HTR1F: variants seen among roughly 807,000 people sequenced by gnomAD.
The protein encoded by HTR1F is 5-hydroxytryptamine receptor 1F, also known as 5-hydroxytryptamine (serotonin) receptor 1F, G protein-coupled.
In HTR1F, 17 loss-of-function variants were observed where a neutral mutation model predicts 24.0. The observed-to-expected ratio is 0.71, with a 90% CI of 0.48 to 1.06. The LOEUF is 1.06. Ranked by LOEUF, HTR1F falls within the 50% of genes least tolerant of loss-of-function variation. The probability of loss-of-function intolerance (pLI) is 0.00; values close to 1 mark genes in which losing one functional copy is unlikely to be tolerated. For synonymous variants in HTR1F, 186 were observed against 156.8 expected, an observed-to-expected ratio of 1.19 and a Z score of -1.39; for missense variants, 391 against 427.8, an observed-to-expected ratio of 0.91 and a Z score of 0.76.
chr3:87,920,033 A>G (rs945445896), intron 2 of HTR1F, among the ~76,000 whole-genome samples: 7 of 147,456 alleles, frequency 4.7e-5, no homozygotes, highest in African/African-American at 1.5e-4. Flanking sequence ...GTAATATTAT[A>G]TATATATATA....
intron 2 of HTR1F, among the ~76,000 whole-genome samples, chr3:87,888,667 G>A (rs924842026): frequency 2.6e-5 from 4 of 152,078 alleles, no homozygotes; most frequent in Non-Finnish European, 4.4e-5. Context: ...GTGGCTATAA[G>A]CATAAGCTCT....
At chr3:87,949,830 C>T (rs1385186576) in intron 2 of HTR1F, among the ~76,000 whole-genome samples, 2 of 152,204 alleles carry the variant, frequency 1.3e-5, no homozygotes, top group Non-Finnish European at 2.9e-5. Flanking sequence ...AGTGTCACCT[C>T]ACCGTTCCCA....
intron 1 of HTR1F, among the ~76,000 whole-genome samples, chr3:87,808,899 GTATAGTTTACAAAGTTTCTCTTTT>G (rs1704116329): frequency 6.6e-6 from 1 of 151,482 alleles, no homozygotes; most frequent in Non-Finnish European, 1.5e-5. Context: ...TGTTTAATTT[GTATAGTTTACAAAGTTTCTCTTTT>G]TATAGATTTC....
chr3:87,950,929 C>A (rs1302050038), intron 2 of HTR1F, among the ~76,000 whole-genome samples: 1 of 152,142 alleles, frequency 6.6e-6, no homozygotes, highest in Non-Finnish European at 1.5e-5. Flanking sequence ...TCCTTGGAAA[C>A]AAGTTCTTAT....
chr3:87,913,702 T>C (rs185836597), intron 2 of HTR1F, among the ~76,000 whole-genome samples: 73 of 152,250 alleles, frequency 4.8e-4, no homozygotes, highest in Middle Eastern at 3.4e-3. Flanking sequence ...CAATGGCAGA[T>C]TGGGTAAAAT....
rs75404936 is a variant in HTR1F, at chr3:87,956,861, A to G, written c.-42-33847A>G. 2.9e-3 allele frequency among the ~76,000 whole-genome samples: 445 copies of G among 151,432 alleles called. 1 individual carries two copies. Among genetic ancestry groups the G allele is most frequent in the Middle Eastern group, 6.8e-3 (2 of 292 alleles). On this transcript the variant is annotated intron_variant, in intron 2 of 2. Transcript: ENST00000319595. ...TAAAATTCGCTTACTTTAATAGTTGATTTTTAGATTCCTGTAGATTTTCAA... is the reference window on the plus strand; with the variant it reads ...TAAAATTCGCTTACTTTAATAGTTGGTTTTTAGATTCCTGTAGATTTTCAA...
chr3:87,840,465 T>C (rs1410755327), intron 2 of HTR1F, among the ~76,000 whole-genome samples: 2 of 152,052 alleles, frequency 1.3e-5, no homozygotes, highest in African/African-American at 2.4e-5. Context: ...AGCTTTATAC[T>C]GTAGAGAAAA....
chr3:87,962,567 G>T (rs1705084953), intron 2 of HTR1F, among the ~76,000 whole-genome samples: 1 of 151,962 alleles, frequency 6.6e-6, no homozygotes, highest in Non-Finnish European at 1.5e-5. Flanking sequence ...CCAGTGTTAT[G>T]AATTCATTCA....
intron 2 of HTR1F, among the ~76,000 whole-genome samples, chr3:87,956,238 TTATTTTTAATA>T (rs1704940586): frequency 6.6e-6 from 1 of 151,564 alleles, no homozygotes; most frequent in African/African-American, 2.4e-5. Flanking sequence ...TTGATAATCA[TTATTTTTAATA>T]TGGATAACTA....
At chr3:87,875,832 G>A (rs950947570) in intron 2 of HTR1F, among the ~76,000 whole-genome samples, 21 of 150,650 alleles carry the variant, frequency 1.4e-4, no homozygotes, top group African/African-American at 4.1e-4. Context: ...GCTGAAGCAG[G>A]AGAATGGCTT....
intron 2 of HTR1F, among the ~76,000 whole-genome samples, chr3:87,900,258 G>C (rs190785511): frequency 6.6e-6 from 1 of 152,056 alleles, no homozygotes; most frequent in African/African-American, 2.4e-5. Flanking sequence ...GACCTGAAGG[G>C]GGCAATAGAA....
At chr3:87,819,813 A>G (rs1454042896) in intron 1 of HTR1F, among the ~76,000 whole-genome samples, 1 of 152,074 alleles carries the variant, frequency 6.6e-6, no homozygotes, top group Non-Finnish European at 1.5e-5. Flanking sequence ...CCAAAATGAA[A>G]CTCAATATTA....
chr3:87,876,164 A>G (rs957091162), intron 2 of HTR1F, among the ~76,000 whole-genome samples: 6 of 152,226 alleles, frequency 3.9e-5, no homozygotes, highest in Non-Finnish European at 5.9e-5. Flanking sequence ...GGCGTATAAA[A>G]CAGTGTAACT....
At chr3:87,839,101 T>A (rs1031023772) in intron 2 of HTR1F, among the ~76,000 whole-genome samples, 14 of 151,846 alleles carry the variant, frequency 9.2e-5, no homozygotes, top group Admixed American at 7.9e-4. Flanking sequence ...CTTTGATTGC[T>A]TGTGCATTTG....
At chr3:87,986,240 T>C (rs1284936187) in intron 2 of HTR1F, among the ~76,000 whole-genome samples, 3 of 152,164 alleles carry the variant, frequency 2.0e-5, no homozygotes, top group African/African-American at 7.2e-5. Flanking sequence ...TAAAGGTAGA[T>C]GGTTTATTAC....
intron 2 of HTR1F, among the ~76,000 whole-genome samples, chr3:87,944,766 T>C (rs13324246): frequency 0.26 from 40,241 of 152,132 alleles, 5,768 homozygotes; most frequent in African/African-American, 0.37. Flanking sequence ...AAGTTACTTC[T>C]CTACTTTCTT....
intron 2 of HTR1F, among the ~76,000 whole-genome samples, chr3:87,919,377 CTTAA>C (rs1156926126): frequency 6.6e-6 from 1 of 151,822 alleles, no homozygotes; most frequent in Non-Finnish European, 1.5e-5. Context: ...AATCCTGGGA[CTTAA>C]TTAAACTAAA....
chr3:87,877,999 C>T (rs1359085568), intron 2 of HTR1F, among the ~76,000 whole-genome samples: 2 of 151,994 alleles, frequency 1.3e-5, no homozygotes, highest in African/African-American at 2.4e-5. Flanking sequence ...AAATGCTTTA[C>T]AAATAGGAAA....
chr3:87,933,843 C>G (rs1252343969), intron 2 of HTR1F, among the ~76,000 whole-genome samples: 1 of 152,126 alleles, frequency 6.6e-6, no homozygotes, highest in Non-Finnish European at 1.5e-5. Flanking sequence ...GAGATTAATT[C>G]CATTCCAGGT....
Sources: allele counts gnomAD v4.1 joint callset (sites outside exome capture counted in the v4.1 genomes callset), GRCh38; gene constraint gnomAD v4.1.1; transcripts MANE v1.5; gene names NCBI Gene and HGNC (gene_info 2026-07-23, HGNC 2026-07-21).